Variants in PLEKHA5 observed in about 807,000 individuals in gnomAD.
PLEKHA5 encodes pleckstrin homology domain containing A5.
In PLEKHA5, 55 loss-of-function variants were observed where a neutral mutation model predicts 181.9. The ratio of observed to expected loss-of-function variants is 0.30; its 90% CI spans 0.24 to 0.38. The LOEUF (loss-of-function observed/expected upper bound fraction) is 0.38. PLEKHA5 is among the 10% of genes least tolerant of loss of function. The probability of loss-of-function intolerance (pLI) is 1.00; values close to 1 mark genes in which losing one functional copy is unlikely to be tolerated. For synonymous variants in PLEKHA5, 535 were observed against 529.4 expected, an observed-to-expected ratio of 1.01 and a Z score of -0.15; for missense variants, 1,432 against 1,549.5, an observed-to-expected ratio of 0.92 and a Z score of 1.27.
chr12:19,268,642 C>G (rs2071404797), intron 8 of PLEKHA5, among the ~76,000 whole-genome samples: 1 of 152,152 alleles, frequency 6.6e-6, no homozygotes, highest in African/African-American at 2.4e-5. Context: ...AGACTGGGTA[C>G]TTTGACATCA....
chr12:19,335,014 A>T (rs2093301695), intron 20 of PLEKHA5, among the ~76,000 whole-genome samples: 1 of 116,326 alleles, frequency 8.6e-6, no homozygotes. Context: ...GACTGGCAAG[A>T]TAGCTTCAGT....
intron 15 of PLEKHA5, chr12:19,306,434 A>T (rs2152953265): frequency 1.7e-6 from 1 of 587,766 alleles, no homozygotes; most frequent in South Asian, 1.5e-5. Flanking sequence ...CGACTGGAGC[A>T]GCAGAGGCTG....
chr12:19,245,869 G>T (rs1178940705), intron 3 of PLEKHA5, among the ~76,000 whole-genome samples: 2 of 151,876 alleles, frequency 1.3e-5, no homozygotes, highest in African/African-American at 4.8e-5. Flanking sequence ...AGATGGCAGT[G>T]CTGCAGTATT....
intron 3 of PLEKHA5, among the ~76,000 whole-genome samples, chr12:19,177,333 A>G (rs770416456): frequency 3.3e-5 from 5 of 152,232 alleles, no homozygotes; most frequent in Non-Finnish European, 5.9e-5. Context: ...TAGTGATTAC[A>G]ATTATTCTTT....
At chr12:19,249,161 C>T (rs1186610353) in intron 3 of PLEKHA5, among the ~76,000 whole-genome samples, 1 of 152,136 alleles carries the variant, frequency 6.6e-6, no homozygotes, top group Non-Finnish European at 1.5e-5. Context: ...AGCAAGACCC[C>T]ATCTCTGTTT....
At chr12:19,190,140 A>C (rs1042390758) in intron 3 of PLEKHA5, among the ~76,000 whole-genome samples, 3 of 152,224 alleles carry the variant, frequency 2.0e-5, no homozygotes, top group African/African-American at 4.8e-5. Context: ...TTTTGAAAGA[A>C]AAAACCCAAT....
chr12:19,282,034 C>T (rs552064556), intron 11 of PLEKHA5, among the ~76,000 whole-genome samples: 5 of 152,090 alleles, frequency 3.3e-5, no homozygotes, highest in African/African-American at 7.2e-5. Context: ...CGCCTGCCTC[C>T]GCCTCCCAAA....
intron 3 of PLEKHA5, among the ~76,000 whole-genome samples, chr12:19,159,022 A>G (rs1357429393): frequency 6.6e-6 from 1 of 152,254 alleles, no homozygotes; most frequent in Admixed American, 6.5e-5. Context: ...AAGACCGGAC[A>G]AATTACTGAA....
At chr12:19,217,362 T>C (rs1251775010) in intron 3 of PLEKHA5, among the ~76,000 whole-genome samples, 3 of 152,156 alleles carry the variant, frequency 2.0e-5, no homozygotes, top group African/African-American at 7.2e-5. Context: ...ATTGCAGAAA[T>C]ATTTAGGCAC....
intron 3 of PLEKHA5, among the ~76,000 whole-genome samples, chr12:19,182,769 A>G (rs916524664): frequency 1.3e-5 from 2 of 152,234 alleles, no homozygotes; most frequent in African/African-American, 4.8e-5. Flanking sequence ...CAAGTATAAT[A>G]TTAGAAATAC....
At chr12:19,209,938 TCAAA>T (rs937862066) in intron 3 of PLEKHA5, among the ~76,000 whole-genome samples, 8 of 152,204 alleles carry the variant, frequency 5.3e-5, no homozygotes, top group Non-Finnish European at 8.8e-5. Flanking sequence ...ATTCCTCTCA[TCAAA>T]CAAAGGAATT....
intron 2 of PLEKHA5, among the ~76,000 whole-genome samples, 200 bp from the exon 3 acceptor site, chr12:19,132,193 G>A (rs1456494246): frequency 1.3e-5 from 2 of 152,016 alleles, no homozygotes; most frequent in East Asian, 3.9e-4. Context: ...CTAATATTAT[G>A]GTTACTTTTC....
chr12:19,314,455 T>C (rs2087770895), intron 15 of PLEKHA5, among the ~76,000 whole-genome samples: 1 of 152,158 alleles, frequency 6.6e-6, no homozygotes, highest in Non-Finnish European at 1.5e-5. Flanking sequence ...AATTGTACCA[T>C]TTTTCTCCTG....
chr12:19,205,137 C>T (rs1480020967), intron 3 of PLEKHA5: 6 of 152,080 alleles, frequency 3.9e-5, no homozygotes, highest in Non-Finnish European at 8.8e-5. Flanking sequence ...TTTGGTAGTT[C>T]TGTATAGTTT....
chr12:19,145,037 C>A (rs1411958775), intron 3 of PLEKHA5, among the ~76,000 whole-genome samples: 1 of 152,168 alleles, frequency 6.6e-6, no homozygotes, highest in Non-Finnish European at 1.5e-5. Flanking sequence ...ACCAGGGCTG[C>A]TGTTTCCCAC....
At chr12:19,229,323 C>G (rs746561712) in intron 3 of PLEKHA5, among the ~76,000 whole-genome samples, 2 of 152,058 alleles carry the variant, frequency 1.3e-5, no homozygotes, top group Admixed American at 1.3e-4. Flanking sequence ...AGCCGCGGAC[C>G]CTTGCGGTGA....
intron 15 of PLEKHA5, among the ~76,000 whole-genome samples, chr12:19,304,156 T>C (rs1157227513): frequency 1.4e-5 from 2 of 146,088 alleles, no homozygotes; most frequent in African/African-American, 4.9e-5. Flanking sequence ...GCACGGTGGC[T>C]CACGCCTGTA....
At chr12:19,207,320 A>G (rs948682108) in intron 3 of PLEKHA5, 28 of 152,152 alleles carry the variant, frequency 1.8e-4, no homozygotes, top group African/African-American at 6.5e-4. Context: ...GAAATAATGA[A>G]TAGAAGATCT....
At chr12:19,352,920 CTA>C (rs1201534373) in intron 25 of PLEKHA5, among the ~76,000 whole-genome samples, 3 of 149,076 alleles carry the variant, frequency 2.0e-5, no homozygotes, top group African/African-American at 7.4e-5. Flanking sequence ...GTAGCTGGGA[CTA>C]TAGGTGTACA....
Sources: allele counts gnomAD v4.1 joint callset (sites outside exome capture counted in the v4.1 genomes callset), GRCh38; gene constraint gnomAD v4.1.1; transcripts MANE v1.5; gene names NCBI Gene and HGNC (gene_info 2026-07-23, HGNC 2026-07-21).